The following PIEZO1 variants were observed in gnomAD, a reference collection of about 807,000 sequenced individuals.
The protein encoded by PIEZO1 is piezo type mechanosensitive ion channel component 1 (Er blood group), also known as piezo-type mechanosensitive ion channel component 1.
A neutral mutation model predicts 297.2 loss-of-function variants in PIEZO1; 296 were observed. That is an observed-to-expected ratio of 1.00 (90% CI 0.91 to 1.10). PIEZO1 has a LOEUF of 1.10. Among genes scored for constraint, PIEZO1 ranks in the 50% least tolerant of loss-of-function variants. The probability of loss-of-function intolerance (pLI) is 0.00; values close to 1 mark genes in which losing one functional copy is unlikely to be tolerated. For missense variants in PIEZO1, 5,018 were observed against 3,455.5 expected (o/e 1.45, Z -11.34); for synonymous variants, 2,427 against 1,507.5 (o/e 1.61, Z -14.13).
intron 2 of PIEZO1, among the ~76,000 whole-genome samples, chr16:88,748,497 C>G (rs531293247): frequency 0.042 from 6,256 of 148,288 alleles, 456 homozygotes; most frequent in African/African-American, 0.15. Context: ...CTCCCCCCCC[C>G]CCCCGCACAA....
Position 88,755,965 on chromosome 16 carries a change from CG to C in PIEZO1, c.65-6487del. ...GGGCAGAGCCTCGGAGCGGGGAGGG[CG>C]GGGGCCACCCAGGAGCCAGGACAGC... is the stretch of plus-strand genomic sequence containing the variant. On this transcript the variant is annotated intron_variant, in intron 1 of 50. Coordinates refer to ENST00000301015, the MANE Select transcript of PIEZO1 (RefSeq NM_001142864.4). 1.3e-5 allele frequency among the ~76,000 whole-genome samples: 2 copies of C among 152,138 alleles called. 1 individual carries two copies.
intron 19 of PIEZO1, chr16:88,732,979 C>T: frequency 1.7e-6 from 1 of 583,582 alleles, no homozygotes; most frequent in East Asian, 2.9e-5. Flanking sequence ...CGAGAAGGTC[C>T]CAGGCAGAGA....
At chr16:88,724,549 G>C (rs1406885320) in intron 30 of PIEZO1, among the ~76,000 whole-genome samples, 1 of 149,780 alleles carries the variant, frequency 6.7e-6, no homozygotes, top group Non-Finnish European at 1.5e-5. Flanking sequence ...AAAAAAAAAG[G>C]CCTGGAGTGG....
Position 88,735,007 on chromosome 16 carries a change from C to T in PIEZO1, c.1716G>A (p.Val572=). 1.3e-6 allele frequency: 2 copies of T among 1,550,518 alleles called. No homozygotes were observed. Among genetic ancestry groups the T allele is most frequent in the Non-Finnish European group, 1.7e-6 (2 of 1,146,978 alleles). ...QTLLQSLGEL[V]KGVYAKYWIY... is the part of the protein sequence containing the mutation. ...TCCAGTACTTGGCGTACACGCCCTT[C>T]ACCAGCTCCCCCAGGCTCTGCAACA... The change falls in exon 14 of 51, where the codon GTG becomes GTA. Residue 572 remains valine, a synonymous_variant. Transcript: ENST00000301015.
chr16:88,752,258 G>A (rs531181370), intron 1 of PIEZO1, among the ~76,000 whole-genome samples: 123 of 152,282 alleles, frequency 8.1e-4, no homozygotes, highest in African/African-American at 2.9e-3. Context: ...CAAGGCAGGC[G>A]GATCACTTGA....
At chr16:88,778,356 G>A (rs1268464871) in intron 1 of PIEZO1, among the ~76,000 whole-genome samples, 3 of 152,246 alleles carry the variant, frequency 2.0e-5, no homozygotes, top group Non-Finnish European at 1.5e-5. Context: ...TGAGGAAGGA[G>A]AAGCAGCCCC....
chr16:88,721,724 G>C lies in PIEZO1; in HGVS notation c.5217C>G (p.Ile1739Met), dbSNP rs778603613. 6.5e-7 allele frequency: 1 copy of C among 1,540,492 alleles called. No homozygotes were observed. Among genetic ancestry groups the C allele is most frequent in the African/African-American group, 1.4e-5 (1 of 72,928 alleles). The change falls in exon 38 of 51, where the codon ATC (isoleucine) becomes ATG (methionine). Residue 1739 changes from isoleucine (I) to methionine (M), a missense_variant and splice_region_variant. Coordinates refer to ENST00000301015, the MANE Select transcript of PIEZO1 (RefSeq NM_001142864.4). ...GGAACAGGTACTTGACGACCACCGC[G>C]ATCTGTGGGGGAGGGGGCTCAGCAC... ...FWMTAIVFTE[I>M]AVVVKYLFQF...
At chr16:88,772,709 G>A (rs987780030) in intron 1 of PIEZO1, among the ~76,000 whole-genome samples, 1 of 151,682 alleles carries the variant, frequency 6.6e-6, no homozygotes, top group Non-Finnish European at 1.5e-5. Context: ...AACCTGGGAG[G>A]CGAAGGTGGC....
At position 88,733,772 on chromosome 16, in the gene PIEZO1, G is replaced by C. The variant is rs550646219; in HGVS notation, c.2330-27C>G. The stretch of plus-strand genomic sequence containing the variant: ...TGTGATGGTGTGAGGGTCAGTGCGG[G>C]GCACAAACGGGGATTCCCGGGTCCC... On this transcript the variant is annotated intron_variant, in intron 17 of 50. Coordinates refer to ENST00000301015, the MANE Select transcript of PIEZO1 (RefSeq NM_001142864.4). The C allele has an allele frequency of 1.2e-4, 173 of 1,500,922 alleles. No homozygotes were observed. The East Asian group carries it at 4.1e-3, about 35-fold the overall frequency. The allele number at this position is 1,500,922 out of a possible 1,614,324, so 93.0% of individuals were successfully genotyped here. A position where few individuals can be genotyped will look rare whatever the true frequency, so the allele number is the denominator to read the frequency against.
At position 88,738,230 on chromosome 16, in the gene PIEZO1, G is replaced by A. The variant is rs1354862932; in HGVS notation, c.845C>T (p.Ala282Val). 3 of 1,535,522 alleles carry A rather than the reference G, an allele frequency of 2.0e-6. No homozygotes were observed. The highest frequency in any genetic ancestry group is 1.7e-4 in the Middle Eastern group (1 of 6,010). ...QALLPPAGIWARVLGLKDFVG... is the reference protein window; with the variant it reads ...QALLPPAGIWVRVLGLKDFVG... Reference sequence around the variant, plus strand: ...GGGCTGTGTGGCAAGCCGTTACCTAGCCCAGATGCCGGCAGGCGGGAGCAG... The same window carrying A: ...GGGCTGTGTGGCAAGCCGTTACCTAACCCAGATGCCGGCAGGCGGGAGCAG... The change falls in exon 7 of 51, where the codon GCT becomes GTT. Residue 282 changes from alanine (A) to valine (V), a missense_variant. By Grantham distance (64) the Ala-to-Val change is moderately conservative. Coordinates refer to ENST00000301015, the MANE Select transcript of PIEZO1 (RefSeq NM_001142864.4).
At position 88,742,095 on chromosome 16, in the gene PIEZO1, C is replaced by G; in HGVS notation, c.284G>C (p.Cys95Ser). 1 of 1,535,908 alleles carries G rather than the reference C, an allele frequency of 6.5e-7. No individual in the cohort carries two copies. The highest frequency in any genetic ancestry group is 1.2e-5 in the South Asian group (1 of 84,054). The part of the protein sequence containing the change: ...PRLDQLLGPS[C>S]SRWETLSRHI... ...TCGCGAGAGGGTCTCCCAGCGGCTG[C>G]CTGCAGAGAAAGACGGGGGAACCCA... The change falls in exon 4 of 51, where the codon TGC becomes TCC. Residue 95 changes from cysteine to serine, a missense_variant and splice_region_variant. Coordinates refer to ENST00000301015, the MANE Select transcript of PIEZO1 (RefSeq NM_001142864.4).
chr16:88,759,387 G>A (rs1906821363), intron 1 of PIEZO1, among the ~76,000 whole-genome samples: 1 of 152,246 alleles, frequency 6.6e-6, no homozygotes, highest in Non-Finnish European at 1.5e-5. Context: ...CCAGGCCAGG[G>A]CAGCTACAGG....
rs1478187082 is a variant in PIEZO1, at chr16:88,716,571, C to T, written c.6914G>A (p.Trp2305Ter). 4 of 1,543,596 alleles carry T rather than the reference C, an allele frequency of 2.6e-6. No homozygotes were observed. Reference sequence around the variant, plus strand: ...GTCCAGGACGAACCTCTGGAAGTTCCAGGTGAAGCGCAGGGTGATGTCGGC... The same window carrying T: ...GTCCAGGACGAACCTCTGGAAGTTCTAGGTGAAGCGCAGGGTGATGTCGGC... ...GTADITLRFT[W>*]NFQRDLAKGG... The change falls in exon 47 of 51, where the codon TGG (tryptophan) becomes TAG (stop). Residue 2305 changes from tryptophan (W) to a stop codon, truncating the protein, a stop_gained. Transcript: ENST00000301015. LOFTEE classifies it high-confidence loss of function.
In PIEZO1 at chr16:88,716,342, A is replaced by T; in HGVS notation, c.7049+19T>A. ...ACCTGGCACAGCCCTCCTGCCCACC[A>T]CCCGGGCCCTTCACTCACACAGACT... On this transcript the variant is annotated intron_variant, in intron 48 of 50. Transcript: ENST00000301015. 1.3e-6 allele frequency: 2 copies of T among 1,516,296 alleles called. No homozygotes were observed. The highest frequency in any genetic ancestry group is 1.8e-6 in the Non-Finnish European group (2 of 1,126,694). The allele number at this position is 1,516,296 out of a possible 1,614,324, so 93.9% of individuals were successfully genotyped here.
intron 1 of PIEZO1, among the ~76,000 whole-genome samples, chr16:88,784,632 C>G (rs968749): frequency 6.6e-6 from 1 of 151,826 alleles, no homozygotes; most frequent in African/African-American, 2.4e-5. Context: ...GCGCTATGCC[C>G]GGCGCTCGCT....
At chr16:88,755,866 G>C (rs1906629469) in intron 1 of PIEZO1, among the ~76,000 whole-genome samples, 1 of 152,330 alleles carries the variant, frequency 6.6e-6, no homozygotes, top group South Asian at 2.1e-4. Flanking sequence ...TGGCGCTCAG[G>C]AGTCAACCTG....
chr16:88,721,096 A>G (rs1248530084), intron 39 of PIEZO1, 70 bp downstream of exon 39: 34 of 1,393,442 alleles, frequency 2.4e-5, no homozygotes, highest in East Asian at 1.0e-4. Context: ...CATCTGAGAA[A>G]GACCCTCCCT....
chr16:88,719,995 G>C (rs886266453), intron 42 of PIEZO1, 35 bp from the exon 43 acceptor site: 12 of 1,549,450 alleles, frequency 7.7e-6, no homozygotes, highest in Non-Finnish European at 9.6e-6. Flanking sequence ...GACCCCATCA[G>C]AAACAGCCCC....
chr16:88,724,994 C>G lies in PIEZO1; in HGVS notation c.4234+15G>C. 2 of 1,451,212 alleles carry G rather than the reference C, an allele frequency of 1.4e-6. No homozygotes were observed. Among genetic ancestry groups the G allele is most frequent in the Non-Finnish European group, 1.8e-6 (2 of 1,099,092 alleles). The allele number at this position is 1,451,212 out of a possible 1,614,324, so 89.9% of individuals were successfully genotyped here. ...GGCCTGAGAGGGTGGCCACAGGCGG[C>G]CTAATTGGGGGTACCTGTGGCGTGG... On this transcript the variant is annotated intron_variant, in intron 30 of 50. Transcript: ENST00000301015.
Sources: gnomAD v4.1 joint callset for allele counts (sites outside exome capture counted in the v4.1 genomes callset) on GRCh38, gnomAD v4.1.1 for gene constraint, MANE v1.5 for transcripts, NCBI Gene and HGNC (gene_info 2026-07-23, HGNC 2026-07-21) for gene names.